Variants in FBXO27 observed in about 807,000 individuals in gnomAD.
FBXO27 encodes the protein F-box protein 27, also known as F-box only protein 27.
In FBXO27, 28 loss-of-function variants were observed where a neutral mutation model predicts 28.3. The observed-to-expected ratio is 0.99, with a 90% CI of 0.73 to 1.36. The LOEUF is 1.36. Among genes scored for constraint, FBXO27 ranks in the 40% most tolerant of loss-of-function variants. The pLI, the probability that FBXO27 is intolerant of heterozygous loss-of-function variation, is 0.00. For missense variants in FBXO27, 388 were observed against 394.1 expected (o/e 0.98, Z 0.13); for synonymous variants, 175 against 167.3 (o/e 1.05, Z -0.36).
chr19:39,008,412 C>T (rs1309597037), intron 2 of FBXO27, among the ~76,000 whole-genome samples: 1 of 152,126 alleles, frequency 6.6e-6, no homozygotes, highest in Non-Finnish European at 1.5e-5. Flanking sequence ...GCTAATGTAA[C>T]CGGCTCTGTT....
chr19:39,023,352 C>T (rs1349792118), downstream of FBXO27, among the ~76,000 whole-genome samples: 1 of 152,178 alleles, frequency 6.6e-6, no homozygotes, highest in African/African-American at 2.4e-5. Context: ...TTATCGAAAG[C>T]TTTGAGCTGG....
downstream of FBXO27, among the ~76,000 whole-genome samples, chr19:39,020,780 G>T (rs1256010692): frequency 7.7e-6 from 1 of 129,506 alleles, no homozygotes; most frequent in Non-Finnish European, 1.7e-5. Context: ...AAAGGTAGGG[G>T]GTGAAGGGTT....
At chr19:39,030,973 G>A (rs757280537) in intron 4 of FBXO27, 56 bp downstream of exon 4, 1 of 1,446,380 alleles carries the variant, frequency 6.9e-7, no homozygotes, top group Non-Finnish European at 9.7e-7. Context: ...CCATAAAAAG[G>A]CCATGTCACA....
downstream of FBXO27, among the ~76,000 whole-genome samples, chr19:39,019,645 T>C (rs2072836359): frequency 6.6e-6 from 1 of 151,858 alleles, no homozygotes; most frequent in Non-Finnish European, 1.5e-5. Context: ...ACAGGAGAGG[T>C]GGCTTCTACC....
intron 5 of FBXO27, 107 bp from the exon 6 acceptor site, chr19:39,025,661 C>G: frequency 7.3e-7 from 1 of 1,363,678 alleles, no homozygotes; most frequent in Non-Finnish European, 9.8e-7. Flanking sequence ...GCTATAAAAT[C>G]TCCAATTGGG....
In FBXO27 at chr19:39,032,105, G is replaced by C. The variant is rs1430342148; in HGVS notation, c.123C>G (p.Val41=). Residue 41 remains valine, a synonymous_variant, in exon 2 of 6, where the codon GTC becomes GTG. Transcript: ENST00000292853. The surrounding 1 kb of genome is among the most constrained non-coding windows in gnomAD (Gnocchi z 4.7). The part of the protein sequence containing the change: ...PELLLVVLSH[V]PPRTLLGRCR... The stretch of plus-strand genomic sequence containing the variant: ...AGCGCCCGAGCAGCGTGCGCGGGGG[G>C]ACGTGGCTCAGCACCACCAGAAGCA... 6.5e-7 allele frequency: 1 copy of C among 1,533,026 alleles called. No individual in the cohort carries two copies. The allele number at this position is 1,533,026 out of a possible 1,614,324, so 95.0% of individuals were successfully genotyped here.
At chr19:39,023,688 A>T (rs7258997), downstream of FBXO27, among the ~76,000 whole-genome samples, 12,956 of 151,508 alleles carry the variant, frequency 0.086, 704 homozygotes, top group Non-Finnish European at 0.12. Flanking sequence ...ATCCTGGCTC[A>T]CTGCAACCTC....
intron 2 of FBXO27, among the ~76,000 whole-genome samples, chr19:39,012,985 GA>G (rs2072803183): frequency 3.4e-5 from 2 of 59,222 alleles, no homozygotes; most frequent in African/African-American, 1.1e-4. Flanking sequence ...ACAAACAAAC[GA>G]ACAAACAAAC....
At chr19:39,018,586 C>A (rs116449456) in intron 1 of FBXO27, among the ~76,000 whole-genome samples, 2,951 of 152,026 alleles carry the variant, frequency 0.019, 92 homozygotes, top group African/African-American at 0.067. Flanking sequence ...CATGACATTA[C>A]GAGAGAGTTG....
At position 39,031,077 on chromosome 19, in the gene FBXO27, C is replaced by T. The variant is rs776774177; in HGVS notation, c.524G>A (p.Trp175Ter). Residue 175 changes from tryptophan to a stop codon, truncating the protein, a stop_gained, in exon 4 of 6, where the codon TGG becomes TAG. Transcript: ENST00000292853. LOFTEE classifies it high-confidence loss of function. ...QVLDLEEEGLWPELLDSGRIE... is the reference protein window; with the variant it reads ...QVLDLEEEGL Reference sequence around the variant, plus strand: ...CCTGCCACTATCCAGCAGTTCTGGCCACAGACCCTCCTCCTCTAGGTCCAA... The same window carrying T: ...CCTGCCACTATCCAGCAGTTCTGGCTACAGACCCTCCTCCTCTAGGTCCAA... The T allele has an allele frequency of 6.2e-7, 1 of 1,613,994 alleles. No homozygotes were observed. Among genetic ancestry groups the T allele is most frequent in the African/African-American group, 1.3e-5 (1 of 74,912 alleles).
chr19:39,023,359 C>G (rs907442676), downstream of FBXO27, among the ~76,000 whole-genome samples: 1 of 152,132 alleles, frequency 6.6e-6, no homozygotes, highest in African/African-American at 2.4e-5. Flanking sequence ...AAGCTTTGAG[C>G]TGGCCGGCAA....
chr19:39,015,711 G>A (rs1007011224), intron 1 of FBXO27, among the ~76,000 whole-genome samples: 1 of 152,094 alleles, frequency 6.6e-6, no homozygotes, highest in Non-Finnish European at 1.5e-5. Flanking sequence ...AATTAGGTAA[G>A]GATACATACT....
intron 2 of FBXO27, among the ~76,000 whole-genome samples, chr19:39,011,703 G>T (rs906657775): frequency 1.4e-5 from 2 of 147,332 alleles, no homozygotes; most frequent in East Asian, 4.0e-4. Flanking sequence ...CGGGGGAGGG[G>T]GGGTCTCCCT....
chr19:39,027,059 GTC>G, intron 4 of FBXO27, 54 bp from the exon 5 acceptor site: 1 of 1,607,978 alleles, frequency 6.2e-7, no homozygotes, highest in Middle Eastern at 1.7e-4. Flanking sequence ...CTCTTTGGGT[GTC>G]TGCCTACCTT....
intron 2 of FBXO27, among the ~76,000 whole-genome samples, chr19:39,009,801 T>TG (rs1600221785): frequency 6.6e-6 from 1 of 151,968 alleles, no homozygotes; most frequent in Non-Finnish European, 1.5e-5. Flanking sequence ...GGGTTTTTTT[T>TG]TTTGTTGTTG....
At chr19:39,008,466 ATAACTT>A (rs1457917825) in intron 2 of FBXO27, among the ~76,000 whole-genome samples, 2 of 152,236 alleles carry the variant, frequency 1.3e-5, no homozygotes, top group Non-Finnish European at 2.9e-5. Flanking sequence ...TTCGGTCATT[ATAACTT>A]TAGATTTTTT....
chr19:39,028,861 CA>C (rs1331713268), intron 4 of FBXO27, among the ~76,000 whole-genome samples: 2 of 150,250 alleles, frequency 1.3e-5, no homozygotes, highest in Admixed American at 1.3e-4. Context: ...AACTTTGTCT[CA>C]AAAAAACAAA....
In FBXO27 at chr19:39,025,521, C is replaced by G; in HGVS notation, c.742G>C (p.Val248Leu). The G allele has an allele frequency of 6.2e-7, 1 of 1,614,066 alleles. No individual in the cohort carries two copies. The highest frequency in any genetic ancestry group is 8.5e-7 in the Non-Finnish European group (1 of 1,179,996). The change falls in exon 6 of 6, where the codon GTC (valine) becomes CTC (leucine). Residue 248 changes from valine (V) to leucine (L), a missense_variant. Val to Leu is a conservative substitution (Grantham distance 32). Coordinates refer to ENST00000292853, the MANE Select transcript of FBXO27 (RefSeq NM_178820.5). ...CGGTGTTCGAAAGACACAAAGCGGA[C>G]GCCCATCTTGATGTTGGAGAACACG... is the stretch of plus-strand genomic sequence containing the variant. ...THVFSNIKMG[V>L]RFVSFEHRGQ... is the part of the protein sequence containing the mutation.
At chr19:39,011,836 T>C (rs2072796244) in intron 2 of FBXO27, among the ~76,000 whole-genome samples, 1 of 149,654 alleles carries the variant, frequency 6.7e-6, no homozygotes, top group Non-Finnish European at 1.5e-5. Context: ...TCTTTTTTTT[T>C]TTTTTTTTTT....
Sources: allele counts gnomAD v4.1 joint callset (sites outside exome capture counted in the v4.1 genomes callset), GRCh38; gene constraint gnomAD v4.1.1; non-coding constraint Gnocchi (gnomAD v3.1); transcripts MANE v1.5; gene names NCBI Gene and HGNC (gene_info 2026-07-23, HGNC 2026-07-21).